The following CSMD3 variants were observed in gnomAD, a reference collection of about 807,000 sequenced individuals.
CSMD3 encodes the protein CUB and sushi domain-containing protein 3.
In CSMD3, 177 loss-of-function variants were observed where a neutral mutation model predicts 435.2. That is an observed-to-expected ratio of 0.41 (90% CI 0.36 to 0.46). The LOEUF (loss-of-function observed/expected upper bound fraction) is 0.46. Among genes scored for constraint, CSMD3 ranks in the 20% least tolerant of loss-of-function variants. The pLI, the probability that CSMD3 is intolerant of heterozygous loss-of-function variation, is 0.34. For missense variants in CSMD3, 4,265 were observed against 4,504.6 expected, an observed-to-expected ratio of 0.95 and a Z score of 1.52; for synonymous variants, 1,656 against 1,520.5, an observed-to-expected ratio of 1.09 and a Z score of -2.07.
chr8:112,906,556 A>T (rs112008838), intron 10 of CSMD3, among the ~76,000 whole-genome samples: 5,094 of 151,590 alleles, frequency 0.034, 146 homozygotes, highest in Middle Eastern at 0.051. Flanking sequence ...ACAACTAGGG[A>T]TAAGCATCAC....
intron 9 of CSMD3, among the ~76,000 whole-genome samples, chr8:112,935,400 T>G (rs1008696790): frequency 6.6e-6 from 1 of 152,110 alleles, no homozygotes; most frequent in African/African-American, 2.4e-5. Flanking sequence ...TTCATGTGAA[T>G]TTTAAGGTTT....
chr8:112,296,784 A>G (rs1203826947), intron 53 of CSMD3, among the ~76,000 whole-genome samples: 1 of 151,914 alleles, frequency 6.6e-6, no homozygotes, highest in Non-Finnish European at 1.5e-5. Context: ...CGAATAATAG[A>G]GAACATTAAG....
chr8:113,086,528 T>G (rs1468584351), intron 5 of CSMD3, among the ~76,000 whole-genome samples: 1 of 136,416 alleles, frequency 7.3e-6, no homozygotes, highest in African/African-American at 2.8e-5. Flanking sequence ...ATTCAAAATA[T>G]ATTATTGGGA....
intron 6 of CSMD3, among the ~76,000 whole-genome samples, chr8:112,977,856 G>A (rs2084910850): frequency 6.6e-6 from 1 of 151,940 alleles, no homozygotes; most frequent in African/African-American, 2.4e-5. Context: ...TATAAATCAG[G>A]TTGCAATATT....
rs573742222 is a variant in CSMD3 at position 112,970,454 on chromosome 8, A to AAATT, written c.1342+5379_1342+5382dup. ...AAAGAGATCTTATAGCTAAGGCAGT[A>AAATT]AATTATTCTGATGAATTTACAAATG... On this transcript the variant is annotated intron_variant, in intron 7 of 70. Coordinates refer to ENST00000297405, the MANE Select transcript of CSMD3 (RefSeq NM_198123.2). 6.7e-4 allele frequency among the ~76,000 whole-genome samples: 101 copies of AAATT among 151,388 alleles called. 1 individual carries two copies. Among genetic ancestry groups the AAATT allele is most frequent in the African/African-American group, 2.3e-3 (95 of 41,412 alleles).
intron 35 of CSMD3, among the ~76,000 whole-genome samples, chr8:112,399,549 C>G (rs1831142584): frequency 6.6e-6 from 1 of 152,146 alleles, no homozygotes; most frequent in Admixed American, 6.5e-5. Flanking sequence ...GCCACTGTGC[C>G]TGGTCCCGAT....
At chr8:113,241,947 CTA>C (rs753893968) in intron 3 of CSMD3, among the ~76,000 whole-genome samples, 36 of 149,190 alleles carry the variant, frequency 2.4e-4, no homozygotes, top group South Asian at 6.3e-4. Context: ...TAAAAAATTA[CTA>C]TATATATATA....
chr8:112,747,347 C>G (rs2077456453), intron 13 of CSMD3, among the ~76,000 whole-genome samples: 1 of 151,550 alleles, frequency 6.6e-6, no homozygotes, highest in Non-Finnish European at 1.5e-5. Flanking sequence ...TGCTAACTGC[C>G]TCACAGTTAA....
At chr8:113,137,933 ACTT>A (rs1026474582) in intron 4 of CSMD3, among the ~76,000 whole-genome samples, 1 of 151,516 alleles carries the variant, frequency 6.6e-6, no homozygotes, top group Admixed American at 6.6e-5. Context: ...ATAGATCTCA[ACTT>A]CTTCTCCTTA....
intron 12 of CSMD3, among the ~76,000 whole-genome samples, chr8:112,801,590 A>G (rs1389360163): frequency 6.6e-6 from 1 of 152,074 alleles, no homozygotes; most frequent in African/African-American, 2.4e-5. Context: ...ATATAAAACA[A>G]ACTCACACAT....
rs536009425 is a variant in CSMD3 at position 112,517,344 on chromosome 8, A to T, written c.4565-119T>A. The T allele has an allele frequency of 3.4e-4, 227 of 659,000 alleles. 3 individuals are homozygous for T. In the African/African-American group the frequency reaches 4.0e-3, roughly 12 times the overall value. 40.8% of individuals were successfully genotyped at this position (659,000 alleles called of 1,614,324 possible). ...TGGGGTCAATTTTTAAATGCTATAC[A>T]ATAAACACTTTCTCCATATTTTAAA... On this transcript the variant is annotated intron_variant, in intron 27 of 70. Coordinates refer to ENST00000297405, the MANE Select transcript of CSMD3 (RefSeq NM_198123.2).
Position 112,651,364 on chromosome 8 carries a change from A to G in CSMD3, c.3005-1015T>C, listed in dbSNP as rs890240496. Among the ~76,000 whole-genome samples the G allele has an allele frequency of 4.7e-4, 71 of 152,222 alleles. 2 individuals are homozygous for G. Among genetic ancestry groups the G allele is most frequent in the Non-Finnish European group, 2.2e-4 (15 of 68,028 alleles). ...TGGTACAAAATAGAAGTTTAATTTTAAAGACGGAAATTGTACATTTTAAGT... is the reference window on the plus strand; with the variant it reads ...TGGTACAAAATAGAAGTTTAATTTTGAAGACGGAAATTGTACATTTTAAGT... On this transcript the variant is annotated intron_variant, in intron 18 of 70. Transcript: ENST00000297405.
chr8:113,436,149 CAT>C (rs1291756340), intron 1 of CSMD3, among the ~76,000 whole-genome samples: 1 of 152,186 alleles, frequency 6.6e-6, no homozygotes, highest in Non-Finnish European at 1.5e-5. Flanking sequence ...GCCCAATTTA[CAT>C]ACATATGCAT....
At chr8:112,462,013 A>G (rs1470500366) in intron 32 of CSMD3, among the ~76,000 whole-genome samples, 1 of 152,226 alleles carries the variant, frequency 6.6e-6, no homozygotes, top group East Asian at 1.9e-4. Flanking sequence ...TTTATTTTAT[A>G]TATCAAGAAA....
At chr8:112,296,890 G>A (rs912478867) in intron 53 of CSMD3, among the ~76,000 whole-genome samples, 12 of 151,746 alleles carry the variant, frequency 7.9e-5, no homozygotes, top group Non-Finnish European at 4.4e-5. Flanking sequence ...GTCAATAACA[G>A]GAATGAAGTG....
At chr8:112,279,449 A>G (rs950722535) in intron 59 of CSMD3, among the ~76,000 whole-genome samples, 1 of 152,178 alleles carries the variant, frequency 6.6e-6, no homozygotes, top group Non-Finnish European at 1.5e-5. Flanking sequence ...CCTGATACGG[A>G]CATTTTGAAC....
chr8:112,965,248 T>TA (rs1465812583), intron 7 of CSMD3, among the ~76,000 whole-genome samples: 2 of 151,962 alleles, frequency 1.3e-5, no homozygotes, highest in African/African-American at 4.8e-5. Flanking sequence ...CATTCACAGG[T>TA]AAAAGAAGCT....
chr8:113,032,612 A>C (rs2087162632), intron 5 of CSMD3, among the ~76,000 whole-genome samples: 1 of 151,702 alleles, frequency 6.6e-6, no homozygotes, highest in Non-Finnish European at 1.5e-5. Context: ...ATTTACGTTT[A>C]AAAGGAAAGT....
intron 31 of CSMD3, among the ~76,000 whole-genome samples, chr8:112,486,708 A>G (rs1034928629): frequency 1.2e-4 from 18 of 152,126 alleles, no homozygotes; most frequent in African/African-American, 4.1e-4. Flanking sequence ...CTGTTTACAT[A>G]TCACTTTCAT....
Sources: gnomAD v4.1 joint callset for allele counts (sites outside exome capture counted in the v4.1 genomes callset) on GRCh38, gnomAD v4.1.1 for gene constraint, MANE v1.5 for transcripts, NCBI Gene and HGNC (gene_info 2026-07-23, HGNC 2026-07-21) for gene names.